ITPR2: variants seen among roughly 807,000 people sequenced by gnomAD.
ITPR2 encodes the protein inositol 1,4,5-trisphosphate-gated calcium channel ITPR2.
Under a neutral mutation model 317.1 loss-of-function variants are expected in ITPR2, and 207 were observed. That is an observed-to-expected ratio of 0.65 (90% CI 0.58 to 0.73). The LOEUF (loss-of-function observed/expected upper bound fraction) is 0.73. ITPR2 is among the 30% of genes least tolerant of loss of function. ITPR2 has a pLI of 0.00. For synonymous variants in ITPR2, 1,156 were observed against 1,149.1 expected (o/e 1.01, Z -0.12); for missense variants, 2,613 against 3,284.0 (o/e 0.80, Z 4.99).
In ITPR2 at chr12:26,505,147, TTCATAAAAATTC is replaced by T. The variant is rs367829975; in HGVS notation, c.5074-9899_5074-9888del. ...CTAAAATTTATGTTGTATATATTTC[TTCATAAAAATTC>T]AATATTATAGGAAAAGAAAATGCTC... On this transcript the variant is annotated intron_variant, in intron 37 of 56. Coordinates refer to ENST00000381340, the MANE Select transcript of ITPR2 (RefSeq NM_002223.4). Among the ~76,000 whole-genome samples, 331 of 152,328 alleles carry T rather than the reference TTCATAAAAATTC, an allele frequency of 2.2e-3. 1 individual carries two copies. The highest frequency in any genetic ancestry group is 5.2e-3 in the Admixed American group (80 of 15,300).
chr12:26,407,431 C>T (rs995195226), intron 52 of ITPR2, among the ~76,000 whole-genome samples: 3 of 152,086 alleles, frequency 2.0e-5, no homozygotes, highest in African/African-American at 7.2e-5. Flanking sequence ...CTAGTAGCAC[C>T]CCATCCCAGT....
intron 45 of ITPR2, among the ~76,000 whole-genome samples, chr12:26,454,670 AT>A (rs1941834984): frequency 6.6e-6 from 1 of 151,148 alleles, no homozygotes; most frequent in African/African-American, 2.4e-5. Context: ...ATGTTGGACC[AT>A]GTTAAAATAG....
At chr12:26,364,557 T>C (rs1938944923) in intron 55 of ITPR2, among the ~76,000 whole-genome samples, 2 of 152,146 alleles carry the variant, frequency 1.3e-5, no homozygotes, top group African/African-American at 4.8e-5. Context: ...TCCAGCTGGA[T>C]GCAGCAATGA....
At chr12:26,672,884 C>T (rs11494766) in intron 13 of ITPR2, among the ~76,000 whole-genome samples, 30,606 of 151,752 alleles carry the variant, frequency 0.2, 3,746 homozygotes, top group East Asian at 0.55. Flanking sequence ...ACCGATCCCA[C>T]AGAAATACAA....
chr12:26,373,624 A>C (rs1939252315), intron 55 of ITPR2: 1 of 152,240 alleles, frequency 6.6e-6, no homozygotes. Flanking sequence ...ATTCAGAAGG[A>C]AACTTGGAGG....
rs140340334 is a variant in ITPR2 at position 26,696,745 on chromosome 12, G to A, written c.952-1095C>T. Among the ~76,000 whole-genome samples, 20 of 152,268 alleles carry A rather than the reference G, an allele frequency of 1.3e-4. No individual in the cohort carries two copies. In the East Asian group the frequency reaches 1.4e-3, roughly 10 times the overall value. On this transcript the variant is annotated intron_variant, in intron 9 of 56. Coordinates refer to ENST00000381340, the MANE Select transcript of ITPR2 (RefSeq NM_002223.4). Reference sequence around the variant, plus strand: ...AACGTCTCTTTAAGCTAGTGGCCACGTAAACAAAGATAAGAAGATAGTGAG... The same window carrying A: ...AACGTCTCTTTAAGCTAGTGGCCACATAAACAAAGATAAGAAGATAGTGAG...
chr12:26,797,685 T>C (rs1182340274), intron 1 of ITPR2, among the ~76,000 whole-genome samples: 2 of 19,768 alleles, frequency 1.0e-4, no homozygotes, highest in African/African-American at 2.5e-4. Context: ...GAATTGTCTT[T>C]TTTTTTTTTT....
chr12:26,486,843 T>C (rs1942680993), intron 40 of ITPR2: 1 of 671,038 alleles, frequency 1.5e-6, no homozygotes, highest in Non-Finnish European at 2.7e-6. Flanking sequence ...AAATCAAACA[T>C]CTTTCATGCC....
At chr12:26,436,171 TAA>T (rs1565525630) in intron 48 of ITPR2, 48 bp downstream of exon 48, 2 of 1,461,638 alleles carry the variant, frequency 1.4e-6, no homozygotes, top group South Asian at 1.4e-5. Context: ...TTTAAATAGT[TAA>T]GTGGGAACTT....
chr12:26,663,871 T>G (rs763287852), intron 14 of ITPR2, 25 bp from the exon 15 acceptor site: 2 of 1,559,680 alleles, frequency 1.3e-6, no homozygotes, highest in Admixed American at 4.3e-5. Context: ...AACAGCCACC[T>G]ATTCTGATGA....
intron 9 of ITPR2, among the ~76,000 whole-genome samples, chr12:26,701,772 TA>T (rs1255293508): frequency 1.3e-5 from 2 of 152,222 alleles, no homozygotes; most frequent in Non-Finnish European, 2.9e-5. Flanking sequence ...ATCCACAGGC[TA>T]TTGAATAGTC....
chr12:26,423,923 A>C lies in ITPR2; in HGVS notation c.6945+3990T>G, dbSNP rs572051825. 4.6e-5 allele frequency among the ~76,000 whole-genome samples: 7 copies of C among 152,314 alleles called. No individual in the cohort carries two copies. The South Asian group carries it at 1.4e-3, about 32-fold the overall frequency. On this transcript the variant is annotated intron_variant, in intron 49 of 56. Transcript: ENST00000381340. The stretch of plus-strand genomic sequence containing the variant: ...GTTTTAGAAATGAATAAAGACAATA[A>C]AAAAGAAGCACCATAGTAAACAGAA...
At chr12:26,721,882 C>T (rs1327960902) in intron 5 of ITPR2, among the ~76,000 whole-genome samples, 1 of 152,128 alleles carries the variant, frequency 6.6e-6, no homozygotes, top group Non-Finnish European at 1.5e-5. Flanking sequence ...CCCAACTAGT[C>T]CACAACATAT....
intron 39 of ITPR2, among the ~76,000 whole-genome samples, chr12:26,488,027 T>A (rs569952585): frequency 1.3e-5 from 2 of 152,232 alleles, no homozygotes; most frequent in East Asian, 3.9e-4. Context: ...TTGGGAAGAT[T>A]TACCCTAATT....
chr12:26,785,473 T>C (rs1334695045), intron 2 of ITPR2, among the ~76,000 whole-genome samples: 1 of 45,846 alleles, frequency 2.2e-5, no homozygotes, highest in African/African-American at 7.6e-5. Context: ...GTCCGGGAGG[T>C]GAGGGGCGCC....
chr12:26,500,041 A>G (rs1433887819), intron 37 of ITPR2, among the ~76,000 whole-genome samples: 1 of 152,192 alleles, frequency 6.6e-6, no homozygotes, highest in Admixed American at 6.5e-5. Context: ...TCTTCATTTA[A>G]GAATAAAAAA....
At chr12:26,348,317 A>G (rs1266975316) in intron 55 of ITPR2, among the ~76,000 whole-genome samples, 1 of 152,288 alleles carries the variant, frequency 6.6e-6, no homozygotes, top group Non-Finnish European at 1.5e-5. Flanking sequence ...AACAAGAATT[A>G]ATCATTTGGT....
chr12:26,563,337 C>T (rs1213222504), intron 34 of ITPR2, among the ~76,000 whole-genome samples: 14 of 152,172 alleles, frequency 9.2e-5, no homozygotes, highest in East Asian at 1.9e-4. Context: ...TTTGGGAGGC[C>T]GAGGCAGGCG....
chr12:26,621,433 AT>A (rs34196504), intron 25 of ITPR2, 137 bp from the exon 26 acceptor site: 175,360 of 467,794 alleles, frequency 0.37, 36,026 homozygotes, highest in Admixed American at 0.56. Flanking sequence ...ACACATTATA[AT>A]TTTTTTAAGT....
Sources: gnomAD v4.1 joint callset for allele counts (sites outside exome capture counted in the v4.1 genomes callset) on GRCh38, gnomAD v4.1.1 for gene constraint, MANE v1.5 for transcripts, NCBI Gene and HGNC (gene_info 2026-07-23, HGNC 2026-07-21) for gene names.